The following RAB44 variants were observed in gnomAD, a reference collection of about 807,000 sequenced individuals.
RAB44 encodes RAB44, member RAS oncogene family.
Under a neutral mutation model 93.3 loss-of-function variants are expected in RAB44, and 67 were observed. The ratio of observed to expected loss-of-function variants is 0.72; its 90% CI spans 0.59 to 0.88. RAB44 has a LOEUF of 0.88. Ranked by LOEUF, RAB44 falls within the 40% of genes least tolerant of loss-of-function variation. The pLI is 0.00. For synonymous variants in RAB44, 427 were observed against 520.3 expected (o/e 0.82, Z 2.44); for missense variants, 1,064 against 1,261.7 (o/e 0.84, Z 2.37).
chr6:36,721,640 G>A lies in RAB44; in HGVS notation c.1506G>A (p.Gly502=). The A allele has an allele frequency of 8.1e-7, 1 of 1,234,516 alleles. No homozygotes were observed. Among genetic ancestry groups the A allele is most frequent in the Non-Finnish European group, 1.0e-6 (1 of 988,382 alleles). The allele number at this position is 1,234,516 out of a possible 1,614,324, so 76.5% of individuals were successfully genotyped here. The change falls in exon 9 of 14, where the codon GGG becomes GGA. Residue 502 remains glycine (G), a synonymous_variant. Coordinates refer to ENST00000612677, the MANE Select transcript of RAB44 (RefSeq NM_001257357.2). ...AAGTGCTCATTCCTTTGGAGGATGG[G>A]CCCCCTCCCCCTGCGAACTCTCCCC... The part of the protein sequence containing the change: ...AFKVLIPLED[G]PPPPANSPPP...
chr6:36,704,305 G>C lies in RAB44; in HGVS notation c.70G>C (p.Glu24Gln), dbSNP rs1395329829. 111 of 1,536,062 alleles carry C rather than the reference G, an allele frequency of 7.2e-5. No individual in the cohort carries two copies. Among genetic ancestry groups the C allele is most frequent in the Non-Finnish European group, 9.5e-5 (109 of 1,146,930 alleles). The change falls in exon 2 of 14, where the codon GAG becomes CAG. Residue 24 changes from glutamate to glutamine, a missense_variant. Transcript: ENST00000612677. ...LGSNRRRQTR[E>Q]PADGEGAAVA... ...CTCCAACCGGCGGCGGCAGACAAGA[G>C]AGCCAGCTGATGGTGAAGGCGCTGC...
intron 6 of RAB44, 146 bp downstream of exon 6, chr6:36,718,264 A>C (rs761071609): frequency 3.1e-5 from 16 of 522,304 alleles, no homozygotes; most frequent in Non-Finnish European, 4.1e-5. Context: ...GGTGTTCCCC[A>C]GAGAGACGAG....
intron 1 of RAB44, among the ~76,000 whole-genome samples, chr6:36,702,809 G>A (rs1762546295): frequency 1.3e-5 from 2 of 152,128 alleles, no homozygotes; most frequent in African/African-American, 4.8e-5. Context: ...CTCACCCCAG[G>A]GGCCTCACCT....
chr6:36,718,779 A>C, intron 7 of RAB44, among the ~76,000 whole-genome samples, 191 bp downstream of exon 7: 1 of 152,118 alleles, frequency 6.6e-6, no homozygotes, highest in African/African-American at 2.4e-5. Context: ...CAGTTGTTCC[A>C]TCTCTGAAAC....
intron 1 of RAB44, among the ~76,000 whole-genome samples, chr6:36,698,262 G>T (rs11750955): frequency 0.11 from 16,495 of 152,218 alleles, 995 homozygotes; most frequent in South Asian, 0.19. Flanking sequence ...GACCACTGGG[G>T]TTTAGCGACT....
intron 12 of RAB44, 32 bp downstream of exon 12, chr6:36,728,833 C>T (rs966072227): frequency 7.3e-6 from 11 of 1,510,250 alleles, no homozygotes; most frequent in African/African-American, 1.4e-5. Flanking sequence ...CGTCTCTGTG[C>T]GTGGACTGGG....
At chr6:36,715,738 G>A in intron 4 of RAB44, 85 bp downstream of exon 4, 1 of 1,401,238 alleles carries the variant, frequency 7.1e-7, no homozygotes, top group Non-Finnish European at 9.6e-7. Flanking sequence ...AGGGGTCAAG[G>A]GGGCAGGCGC....
rs86702 is a variant in RAB44 at position 36,732,660 on chromosome 6, G to C, written c.*567G>C. 6.6e-6 allele frequency: 1 copy of C among 151,856 alleles called. No individual in the cohort carries two copies. Among genetic ancestry groups the C allele is most frequent in the East Asian group, 1.9e-4 (1 of 5,156 alleles). The allele number at this position is 151,856 out of a possible 1,614,324, so 9.4% of individuals were successfully genotyped here. A position where few individuals can be genotyped will look rare whatever the true frequency, so the allele number is the denominator to read the frequency against. On this transcript the variant is annotated 3_prime_UTR_variant, in exon 14 of 14. Transcript: ENST00000612677. ...GGGCGCTGTTGGCCTGGTCTCCCTCGCTATTTCTATTTGCAAGCATGGGCT... is the reference window on the plus strand; with the variant it reads ...GGGCGCTGTTGGCCTGGTCTCCCTCCCTATTTCTATTTGCAAGCATGGGCT...
Position 36,717,199 on chromosome 6 carries a change from A to G in RAB44, c.495-74A>G. On this transcript the variant is annotated intron_variant, in intron 4 of 13. Transcript: ENST00000612677. This position sits in a 1 kb window ranked among gnomAD's most constrained non-coding sequence, Gnocchi z 4.1. ...TGGAGCGCTGCAGTGAAAACTGAGG[A>G]GTGGGGCTCCCCTTGCTTCTCCATC... 1 of 1,215,830 alleles carries G rather than the reference A, an allele frequency of 8.2e-7. No homozygotes were observed. Among genetic ancestry groups the G allele is most frequent in the Non-Finnish European group, 1.0e-6 (1 of 973,738 alleles). The allele number at this position is 1,215,830 out of a possible 1,614,324, so 75.3% of individuals were successfully genotyped here. A position where few individuals can be genotyped will look rare whatever the true frequency, so the allele number is the denominator to read the frequency against.
intron 4 of RAB44, among the ~76,000 whole-genome samples, chr6:36,716,915 CA>C (rs1233517495): frequency 1.1e-4 from 17 of 152,164 alleles, no homozygotes; most frequent in Non-Finnish European, 5.9e-5. Flanking sequence ...CCCCATTTTA[CA>C]AATGAGCCCA....
At position 36,718,163 on chromosome 6, in the gene RAB44, AC is replaced by A. The variant is rs897234852; in HGVS notation, c.732+47del. 20 of 1,189,194 alleles carry A rather than the reference AC, an allele frequency of 1.7e-5. No individual in the cohort carries two copies. The African/African-American group carries it at 3.0e-4, about 18-fold the overall frequency. The allele number at this position is 1,189,194 out of a possible 1,614,324, so 73.7% of individuals were successfully genotyped here. ...CTGCCTCCTTCCCACTGCCCGGGACACCTCTGCTGGCTAAGGAATGGGGCCA... is the reference window on the plus strand; with the variant it reads ...CTGCCTCCTTCCCACTGCCCGGGACACTCTGCTGGCTAAGGAATGGGGCCA... On this transcript the variant is annotated intron_variant, in intron 6 of 13. Transcript: ENST00000612677.
rs900122022 is a variant in RAB44, at chr6:36,717,318, G to C, written c.540G>C (p.Glu180Asp). Residue 180 changes from glutamate (E) to aspartate (D), a missense_variant, in exon 5 of 14, where the codon GAG (glutamate) becomes GAC (aspartate). Physicochemically the swap from Glu to Asp is conservative, Grantham distance 45. Transcript: ENST00000612677. The surrounding 1 kb of genome is among the most constrained non-coding windows in gnomAD (Gnocchi z 4.1). ...TGTGGGGGCAGCTGCGGCAGGAGGA[G>C]CCCCAGCTGGCAGGCAACCTGGCAG... ...WQLWGQLRQEEPQLAGNLAGF... is the reference protein window; with the variant it reads ...WQLWGQLRQEDPQLAGNLAGF... 1 of 1,232,204 alleles carries C rather than the reference G, an allele frequency of 8.1e-7. No individual in the cohort carries two copies. 76.3% of individuals were successfully genotyped at this position (1,232,204 alleles called of 1,614,324 possible). A position where few individuals can be genotyped will look rare whatever the true frequency, so the allele number is the denominator to read the frequency against.
chr6:36,713,921 G>A lies in RAB44; in HGVS notation c.301G>A (p.Glu101Lys). Reference protein sequence around the residue: ...VERKGHLSLEEFSSGLKNIFG... With the variant: ...VERKGHLSLEKFSSGLKNIFG... The stretch of plus-strand genomic sequence containing the variant: ...GCGGAAGGGACACCTGTCCCTTGAA[G>A]AATTCAGCTCTGGACTCAGTATGTC... Residue 101 changes from glutamate (E) to lysine (K), a missense_variant, in exon 3 of 14, where the codon GAA becomes AAA. By Grantham distance (56) the Glu-to-Lys change is moderately conservative. Coordinates refer to ENST00000612677, the MANE Select transcript of RAB44 (RefSeq NM_001257357.2). 2 of 1,534,128 alleles carry A rather than the reference G, an allele frequency of 1.3e-6. No individual in the cohort carries two copies. Among genetic ancestry groups the A allele is most frequent in the South Asian group, 1.2e-5 (1 of 84,018 alleles).
intron 2 of RAB44, 35 bp downstream of exon 2, chr6:36,704,477 C>G: frequency 1.3e-6 from 2 of 1,513,242 alleles, no homozygotes; most frequent in Non-Finnish European, 1.8e-6. Flanking sequence ...TGCTGAATCC[C>G]TTTTCCGCAG....
In RAB44 at chr6:36,719,020, C is replaced by T. The variant is rs760016925; in HGVS notation, c.828+432C>T. ...CAGTTCACCTCAGGAGAATGGTTCA[C>T]GCCATTCTCCTGCCTCAGCCTCCCG... On this transcript the variant is annotated intron_variant, in intron 7 of 13. Coordinates refer to ENST00000612677, the MANE Select transcript of RAB44 (RefSeq NM_001257357.2). Among the ~76,000 whole-genome samples, 7 of 152,144 alleles carry T rather than the reference C, an allele frequency of 4.6e-5. 1 individual carries two copies. Among genetic ancestry groups the T allele is most frequent in the Middle Eastern group, 6.8e-3 (2 of 294 alleles).
chr6:36,730,675 A>G lies in RAB44; in HGVS notation c.2901A>G (p.Glu967=), dbSNP rs574935297. The change falls in exon 13 of 14, where the codon GAA becomes GAG. Residue 967 remains glutamate (E), a splice_region_variant and synonymous_variant. Coordinates refer to ENST00000612677, the MANE Select transcript of RAB44 (RefSeq NM_001257357.2). ...SVEAGQQLAQ[E]LGVYFGECSA... ...GTCCCTCCCTGTCTGGCCTGCAGGA[A>G]CTGGGGGTCTATTTTGGGGAGTGCA... 6 of 1,234,170 alleles carry G rather than the reference A, an allele frequency of 4.9e-6. No individual in the cohort carries two copies. In the East Asian group the frequency reaches 1.9e-4, roughly 39 times the overall value. 76.5% of individuals were successfully genotyped at this position (1,234,170 alleles called of 1,614,324 possible).
At chr6:36,704,865 A>G (rs1000212932) in intron 2 of RAB44, among the ~76,000 whole-genome samples, 2 of 152,156 alleles carry the variant, frequency 1.3e-5, no homozygotes, top group African/African-American at 2.4e-5. Flanking sequence ...CATGCCTGTA[A>G]TCCCAGCACT....
At chr6:36,730,375 G>A (rs1417019211) in intron 12 of RAB44, among the ~76,000 whole-genome samples, 1 of 152,126 alleles carries the variant, frequency 6.6e-6, no homozygotes, top group Non-Finnish European at 1.5e-5. Flanking sequence ...TTTATAAAAT[G>A]TCTCCAGGGG....
At chr6:36,698,020 G>A (rs1762422850) in intron 1 of RAB44, 105 bp downstream of exon 1, 1 of 152,232 alleles carries the variant, frequency 6.6e-6, no homozygotes, top group Non-Finnish European at 1.5e-5. Context: ...GGTGCAAAAG[G>A]CAGAGCCCTC....
Sources: gnomAD v4.1 joint callset for allele counts (sites outside exome capture counted in the v4.1 genomes callset) on GRCh38, gnomAD v4.1.1 for gene constraint, Gnocchi (gnomAD v3.1) non-coding constraint, MANE v1.5 for transcripts, NCBI Gene and HGNC (gene_info 2026-07-23, HGNC 2026-07-21) for gene names.